COL4A4: variants seen among roughly 807,000 people sequenced by gnomAD.
The protein encoded by COL4A4 is collagen type IV alpha 4 chain, also known as collagen alpha-4(IV) chain.
In COL4A4, 105 loss-of-function variants were observed where a neutral mutation model predicts 192.9. The ratio of observed to expected loss-of-function variants is 0.54; its 90% CI spans 0.46 to 0.64. The LOEUF is 0.64. COL4A4 is among the 30% of genes least tolerant of loss of function. COL4A4 has a pLI of 0.00. For synonymous variants in COL4A4, 762 were observed against 769.9 expected (o/e 0.99, Z 0.17); for missense variants, 1,967 against 2,169.3 (o/e 0.91, Z 1.85).
rs2150505064 is a variant in COL4A4, at chr2:227,080,446, A to G, written c.1800T>C (p.Pro600=). 6.2e-7 allele frequency: 1 copy of G among 1,612,954 alleles called. No homozygotes were observed. Among genetic ancestry groups the G allele is most frequent in the Non-Finnish European group, 8.5e-7 (1 of 1,178,930 alleles). The part of the protein sequence containing the change: ...GHAGEKGDPG[P]PGDHEDATPG... The stretch of plus-strand genomic sequence containing the variant: ...GCAAGAGAAGAATTCTACATACTGG[A>G]GGTCCTGGATCCCCTTTTTCTCCAG... The change falls in exon 24 of 48, where the codon CCT becomes CCC. Residue 600 remains proline (P), a synonymous_variant. Transcript: ENST00000396625.
At chr2:227,133,563 C>T (rs2062619919) in intron 4 of COL4A4, among the ~76,000 whole-genome samples, 1 of 152,110 alleles carries the variant, frequency 6.6e-6, no homozygotes, top group South Asian at 2.1e-4. Flanking sequence ...GGGATCCTTC[C>T]TTTACTCTCT....
chr2:227,040,546 A>G (rs901719131), intron 37 of COL4A4, among the ~76,000 whole-genome samples: 2 of 150,308 alleles, frequency 1.3e-5, no homozygotes, highest in African/African-American at 4.9e-5. Flanking sequence ...GTTCAAAAAT[A>G]CCCATAGAAA....
At chr2:227,127,891 A>C (rs1420626604) in intron 4 of COL4A4, among the ~76,000 whole-genome samples, 1 of 152,246 alleles carries the variant, frequency 6.6e-6, no homozygotes, top group Non-Finnish European at 1.5e-5. Context: ...CTGAACAAAC[A>C]GGAAAGATGC....
At chr2:227,057,258 C>T (rs1975638892) in intron 29 of COL4A4, among the ~76,000 whole-genome samples, 181 bp downstream of exon 29, 1 of 152,182 alleles carries the variant, frequency 6.6e-6, no homozygotes, top group Non-Finnish European at 1.5e-5. Flanking sequence ...TACATTGCCC[C>T]ATAAGACTTG....
chr2:227,149,093 C>A (rs559335640), intron 1 of COL4A4, among the ~76,000 whole-genome samples: 1 of 152,216 alleles, frequency 6.6e-6, no homozygotes, highest in Non-Finnish European at 1.5e-5. Flanking sequence ...AGGTGATCAG[C>A]CTGCCTCAGC....
chr2:227,062,743 A>C (rs1160507285), intron 25 of COL4A4, 145 bp from the exon 26 acceptor site: 1 of 689,756 alleles, frequency 1.4e-6, no homozygotes, highest in African/African-American at 1.8e-5. Context: ...GTATCATTAG[A>C]TCACTTAAGC....
Position 227,003,953 on chromosome 2 carries a change from A to G in COL4A4, c.*3372T>C, listed in dbSNP as rs1450565045. The G allele has an allele frequency of 6.6e-6, 1 of 152,266 alleles. No individual in the cohort carries two copies. The highest frequency in any genetic ancestry group is 2.4e-5 in the African/African-American group (1 of 41,474). 9.4% of individuals were successfully genotyped at this position (152,266 alleles called of 1,614,324 possible). The stretch of plus-strand genomic sequence containing the variant: ...ATACAAATATGTTGAATATTAAAAT[A>G]TTCTGAAATAGGAAATGGTTTATAC... On this transcript the variant is annotated 3_prime_UTR_variant, in exon 48 of 48. Coordinates refer to ENST00000396625, the MANE Select transcript of COL4A4 (RefSeq NM_000092.5).
rs369698515 is a variant in COL4A4 at position 227,109,261 on chromosome 2, G to A, written c.620C>T (p.Ala207Val). ...LPGSWGAGGP[A>V]GPTGYPGEPG... ...CTCTCCAGGATATCCTGTGGGACCT[G>A]CCGGTCCTCCTGCACCCCAAGATCC... Residue 207 changes from alanine to valine, a missense_variant, in exon 10 of 48, where the codon GCA (alanine) becomes GTA (valine). Physicochemically the swap from Ala to Val is moderately conservative, Grantham distance 64. Coordinates refer to ENST00000396625, the MANE Select transcript of COL4A4 (RefSeq NM_000092.5). The A allele has an allele frequency of 1.7e-5, 27 of 1,613,970 alleles. No individual in the cohort carries two copies. Among genetic ancestry groups the A allele is most frequent in the Non-Finnish European group, 2.2e-5 (26 of 1,179,946 alleles).
chr2:227,044,821 A>G lies in COL4A4; in HGVS notation c.3290-1637T>C, dbSNP rs79411312. 2.8e-3 allele frequency among the ~76,000 whole-genome samples: 428 copies of G among 152,284 alleles called. 2 individuals are homozygous for G. Among genetic ancestry groups the G allele is most frequent in the African/African-American group, 9.8e-3 (406 of 41,558 alleles). The stretch of plus-strand genomic sequence containing the variant: ...AAGTTCAATGAAGCCTTCTCCAGTC[A>G]ATGGAAATAGTGTATTAAGTAAACT... On this transcript the variant is annotated intron_variant, in intron 35 of 47. Transcript: ENST00000396625.
the COL4A4 span, among the ~76,000 whole-genome samples, chr2:226,978,784 C>A: frequency 6.6e-6 from 1 of 152,112 alleles, no homozygotes; most frequent in South Asian, 2.1e-4. Flanking sequence ...TGGGGGTGAT[C>A]AGAGGACACA....
chr2:227,030,597 T>G lies in COL4A4; in HGVS notation c.3819A>C (p.Gly1273=). 1 of 1,595,722 alleles carries G rather than the reference T, an allele frequency of 6.3e-7. No individual in the cohort carries two copies. Among genetic ancestry groups the G allele is most frequent in the Non-Finnish European group, 8.5e-7 (1 of 1,173,646 alleles). ...CAGGGAGGCCTGGAGGCCCAGGTGC[T>G]CCTGACCACAGAGAAGAGACAAAAA... The part of the protein sequence containing the change: ...QGPPGPDGPR[G]APGPPGLPGS... The change falls in exon 41 of 48, where the codon GGA becomes GGC. Residue 1273 remains glycine, a splice_region_variant and synonymous_variant. Coordinates refer to ENST00000396625, the MANE Select transcript of COL4A4 (RefSeq NM_000092.5).
At chr2:227,110,837 C>T (rs2061159902) in intron 9 of COL4A4, among the ~76,000 whole-genome samples, 1 of 151,742 alleles carries the variant, frequency 6.6e-6, no homozygotes, top group African/African-American at 2.4e-5. Flanking sequence ...TACGCGCCAC[C>T]ACGCCTGGCT....
chr2:227,058,675 C>T (rs1345337122), intron 28 of COL4A4, among the ~76,000 whole-genome samples: 1 of 152,152 alleles, frequency 6.6e-6, no homozygotes, highest in African/African-American at 2.4e-5. Context: ...TCACCATCAC[C>T]CAAGAGGCCC....
Position 227,003,066 on chromosome 2 carries a change from A to AT in COL4A4, c.*4258_*4259insA, listed in dbSNP as rs1961365868. On this transcript the variant is annotated 3_prime_UTR_variant, in exon 48 of 48. Transcript: ENST00000396625. ...CAATTGTTTGTTCCCTGCAGAACTT[A>AT]CTGATAATGTCCCTGCAGGAAATTG... 1 of 152,526 alleles carries AT rather than the reference A, an allele frequency of 6.6e-6. No individual in the cohort carries two copies. The allele number at this position is 152,526 out of a possible 1,614,324, so 9.4% of individuals were successfully genotyped here. A position where few individuals can be genotyped will look rare whatever the true frequency, so the allele number is the denominator to read the frequency against.
intron 34 of COL4A4, among the ~76,000 whole-genome samples, 182 bp from the exon 35 acceptor site, chr2:227,047,731 C>CCCCACACACA (rs146752317): frequency 6.8e-6 from 1 of 146,228 alleles, no homozygotes; most frequent in African/African-American, 2.5e-5. Context: ...AATTTACATA[C>CCCCACACACA]CACACACACA....
chr2:227,133,735 T>G (rs1170403171), intron 4 of COL4A4, among the ~76,000 whole-genome samples: 1 of 151,884 alleles, frequency 6.6e-6, no homozygotes, highest in Non-Finnish European at 1.5e-5. Context: ...CTACTAAAAA[T>G]ACAAACATTA....
Position 227,012,278 on chromosome 2 carries a change from C to A in COL4A4, c.4236G>T (p.Gly1412=), listed in dbSNP as rs368018282. Residue 1412 remains glycine, a synonymous_variant, in exon 45 of 48, where the codon GGG becomes GGT. Transcript: ENST00000396625. ...CATCCACACCCCTCCTGCCATCCAG[C>A]CCAGGCTCTCCTTTGCACCCTGCAC... is the stretch of plus-strand genomic sequence containing the variant. ...PSGPGCKGEP[G]LDGRRGVDGV... is the part of the protein sequence containing the mutation. 46 of 1,613,914 alleles carry A rather than the reference C, an allele frequency of 2.9e-5. No individual in the cohort carries two copies. Among genetic ancestry groups the A allele is most frequent in the Non-Finnish European group, 3.9e-5 (46 of 1,179,970 alleles).
chr2:227,120,803 G>A (rs1370101969), intron 5 of COL4A4: 2 of 574,390 alleles, frequency 3.5e-6, no homozygotes, highest in Non-Finnish European at 6.2e-6. Flanking sequence ...GCTGGACATG[G>A]TGGTATGTGC....
chr2:227,035,673 A>G (rs1186331591), intron 37 of COL4A4, among the ~76,000 whole-genome samples: 4 of 152,190 alleles, frequency 2.6e-5, no homozygotes, highest in Admixed American at 6.5e-5. Context: ...CCAAAAGAAC[A>G]CACAGACCTT....
Sources: gnomAD v4.1 joint callset for allele counts (sites outside exome capture counted in the v4.1 genomes callset) on GRCh38, gnomAD v4.1.1 for gene constraint, MANE v1.5 for transcripts, NCBI Gene and HGNC (gene_info 2026-07-23, HGNC 2026-07-21) for gene names.